PHF20L1: variants seen among roughly 807,000 people sequenced by gnomAD.
The protein encoded by PHF20L1 is PHD finger protein 20-like protein 1.
A neutral mutation model predicts 125.5 loss-of-function variants in PHF20L1; 44 were observed. The observed-to-expected ratio is 0.35, with a 90% CI of 0.28 to 0.45. The LOEUF (loss-of-function observed/expected upper bound fraction) is 0.45. Among genes scored for constraint, PHF20L1 ranks in the 20% least tolerant of loss-of-function variants. PHF20L1 has a pLI of 1.00. For missense variants in PHF20L1, 1,012 were observed against 1,217.2 expected (o/e 0.83, Z 2.51); for synonymous variants, 380 against 403.1 (o/e 0.94, Z 0.69).
At chr8:132,797,260 A>G (rs1832508039) in intron 4 of PHF20L1, among the ~76,000 whole-genome samples, 1 of 152,110 alleles carries the variant, frequency 6.6e-6, no homozygotes, top group African/African-American at 2.4e-5. Context: ...AGGGCAAAAG[A>G]AGCCATCCGT....
At position 132,825,685 on chromosome 8, in the gene PHF20L1, T is replaced by C. The variant is rs181579082; in HGVS notation, c.1744+314T>C. On this transcript the variant is annotated intron_variant, in intron 14 of 20. Transcript: ENST00000395386. ...TCAAGTAATTATTCTCAGTCTAGAA[T>C]TGTAGAGTTCCTTAAGTTAGCTTTC... Among the ~76,000 whole-genome samples the C allele has an allele frequency of 1.2e-3, 178 of 152,186 alleles. 1 individual carries two copies. Among genetic ancestry groups the C allele is most frequent in the African/African-American group, 4.2e-3 (173 of 41,562 alleles).
intron 2 of PHF20L1, among the ~76,000 whole-genome samples, chr8:132,792,984 G>A (rs1213996787): frequency 1.6e-5 from 1 of 63,028 alleles, no homozygotes; most frequent in African/African-American, 6.1e-5. Context: ...TTTTTTTTTA[G>A]TGCCACACAT....
chr8:132,804,104 C>T (rs956822962), intron 7 of PHF20L1, 72 bp downstream of exon 7: 1 of 1,009,154 alleles, frequency 9.9e-7, no homozygotes, highest in African/African-American at 1.6e-5. Flanking sequence ...AATCCCTTGG[C>T]TTCCTTTGAT....
intron 12 of PHF20L1, among the ~76,000 whole-genome samples, chr8:132,820,846 G>A (rs904434709): frequency 6.6e-6 from 1 of 151,976 alleles, no homozygotes; most frequent in Non-Finnish European, 1.5e-5. Context: ...TGTAACCACT[G>A]TGAAGACAAA....
Position 132,777,820 on chromosome 8 carries a change from G to A in PHF20L1, c.-9G>A, listed in dbSNP as rs1288837975. ...GTGAAAAGAGAATACTGAAGAATAGGATCTCAAGATGAGTAAAAAGCCCCC... is the reference window on the plus strand; with the variant it reads ...GTGAAAAGAGAATACTGAAGAATAGAATCTCAAGATGAGTAAAAAGCCCCC... On this transcript the variant is annotated 5_prime_UTR_variant, in exon 2 of 21. Coordinates refer to ENST00000395386, the MANE Select transcript of PHF20L1 (RefSeq NM_016018.5). 1 of 1,594,030 alleles carries A rather than the reference G, an allele frequency of 6.3e-7. No homozygotes were observed. Among genetic ancestry groups the A allele is most frequent in the Non-Finnish European group, 8.6e-7 (1 of 1,162,148 alleles).
At chr8:132,816,678 G>C (rs1263301427) in intron 10 of PHF20L1, 2 of 490,336 alleles carry the variant, frequency 4.1e-6, no homozygotes, top group Non-Finnish European at 7.2e-6. Flanking sequence ...TTCTAGTAGA[G>C]TGTAGATTTT....
chr8:132,824,763 TC>T (rs1835974206), intron 13 of PHF20L1: 1 of 172,674 alleles, frequency 5.8e-6, no homozygotes, highest in Non-Finnish European at 1.3e-5. Context: ...TTCTTAGCCT[TC>T]ATTGTTAAAC....
intron 9 of PHF20L1, chr8:132,812,092 TATGTC>T: frequency 1.0e-6 from 1 of 976,374 alleles, no homozygotes; most frequent in Non-Finnish European, 1.2e-6. Context: ...AATTGATTAA[TATGTC>T]ATTGAATCAT....
intron 12 of PHF20L1, among the ~76,000 whole-genome samples, chr8:132,821,057 C>T (rs1835537042): frequency 6.6e-6 from 1 of 151,854 alleles, no homozygotes; most frequent in Non-Finnish European, 1.5e-5. Flanking sequence ...CTTGACGTGG[C>T]CATGCAGAGT....
Position 132,845,905 on chromosome 8 carries a change from A to T in PHF20L1, c.3036A>T (p.Ala1012=). Residue 1012 remains alanine (A), a synonymous_variant, in exon 21 of 21, where the codon GCA becomes GCT. Transcript: ENST00000395386. ...ACATGGGCAAAGTACAGCAGATAGCAACTCTTTGCTCTGTATGACAACAGT... is the reference window on the plus strand; with the variant it reads ...ACATGGGCAAAGTACAGCAGATAGCTACTCTTTGCTCTGTATGACAACAGT... ...LIDMGKVQQI[A]TLCSV 1 of 1,612,114 alleles carries T rather than the reference A, an allele frequency of 6.2e-7. No homozygotes were observed. The highest frequency in any genetic ancestry group is 1.1e-5 in the South Asian group (1 of 90,982).
In PHF20L1 at chr8:132,804,517, T is replaced by G. The variant is rs1022103844; in HGVS notation, c.722-98T>G. The G allele has an allele frequency of 8.0e-6, 7 of 873,762 alleles. No individual in the cohort carries two copies. In the African/African-American group the frequency reaches 1.2e-4, roughly 15 times the overall value. 54.1% of individuals were successfully genotyped at this position (873,762 alleles called of 1,614,324 possible). A position where few individuals can be genotyped will look rare whatever the true frequency, so the allele number is the denominator to read the frequency against. On this transcript the variant is annotated intron_variant, in intron 7 of 20. Transcript: ENST00000395386. The stretch of plus-strand genomic sequence containing the variant: ...GTATCAAGTAGTAGATTAAAAAAAC[T>G]AATGTGCAAAGCATTTTTACTATTT...
Position 132,790,790 on chromosome 8 carries a change from A to C in PHF20L1, c.84-3620A>C, listed in dbSNP as rs184454578. On this transcript the variant is annotated intron_variant, in intron 2 of 20. Coordinates refer to ENST00000395386, the MANE Select transcript of PHF20L1 (RefSeq NM_016018.5). ...TCTGTGTATACACTTTGTGCTGATT[A>C]GGTCTATATTCTATATGTCCCCTAG... is the stretch of plus-strand genomic sequence containing the variant. 3.3e-5 allele frequency among the ~76,000 whole-genome samples: 5 copies of C among 152,350 alleles called. No homozygotes were observed. The East Asian group carries it at 9.6e-4, about 29-fold the overall frequency.
chr8:132,776,248 C>T (rs1181428064), intron 1 of PHF20L1, among the ~76,000 whole-genome samples: 1 of 152,068 alleles, frequency 6.6e-6, no homozygotes, highest in Non-Finnish European at 1.5e-5. Context: ...GTACTTCATC[C>T]CTAAGTGTCA....
chr8:132,820,457 G>C (rs1835455079), intron 12 of PHF20L1, among the ~76,000 whole-genome samples: 1 of 151,854 alleles, frequency 6.6e-6, no homozygotes, highest in Non-Finnish European at 1.5e-5. Context: ...TTAGAGTCTA[G>C]AAGGGACACA....
chr8:132,790,775 C>T (rs1831597410), intron 2 of PHF20L1, among the ~76,000 whole-genome samples: 1 of 152,186 alleles, frequency 6.6e-6, no homozygotes, highest in African/African-American at 2.4e-5. Context: ...TCTGTGTATA[C>T]ACTTTGTGCT....
rs953762596 is a variant in PHF20L1, at chr8:132,847,825, A to C, written c.*1902A>C. On this transcript the variant is annotated 3_prime_UTR_variant, in exon 21 of 21. Coordinates refer to ENST00000395386, the MANE Select transcript of PHF20L1 (RefSeq NM_016018.5). Reference sequence around the variant, plus strand: ...GTGGTATTGTGGGGTAATTGCTTAAATTTACATATCAAAGTAAAAAAGTAG... The same window carrying C: ...GTGGTATTGTGGGGTAATTGCTTAACTTTACATATCAAAGTAAAAAAGTAG... The C allele has an allele frequency of 6.6e-6, 1 of 152,528 alleles. No homozygotes were observed. Among genetic ancestry groups the C allele is most frequent in the African/African-American group, 2.4e-5 (1 of 41,458 alleles). 9.4% of individuals were successfully genotyped at this position (152,528 alleles called of 1,614,324 possible). A position where few individuals can be genotyped will look rare whatever the true frequency, so the allele number is the denominator to read the frequency against.
chr8:132,782,405 A>G (rs765463503), intron 2 of PHF20L1, among the ~76,000 whole-genome samples: 3 of 152,208 alleles, frequency 2.0e-5, no homozygotes, highest in Non-Finnish European at 4.4e-5. Flanking sequence ...ACAGATGGGT[A>G]CATAATCATA....
intron 2 of PHF20L1, among the ~76,000 whole-genome samples, chr8:132,792,964 C>CT (rs370724463): frequency 0.28 from 36,498 of 129,560 alleles, 5,714 homozygotes; most frequent in South Asian, 0.46. Context: ...CCCCTTTTTT[C>CT]TTTTTTTTTT....
rs182714117 is a variant in PHF20L1, at chr8:132,788,315, C to T, written c.84-6095C>T. On this transcript the variant is annotated intron_variant, in intron 2 of 20. Coordinates refer to ENST00000395386, the MANE Select transcript of PHF20L1 (RefSeq NM_016018.5). ...GAATTAGACATCCTATTGGCTTATC[C>T]ATATAAACAAGAAAGTGATTATTTA... Among the ~76,000 whole-genome samples the T allele has an allele frequency of 8.5e-5, 13 of 152,122 alleles. No homozygotes were observed. The East Asian group carries it at 1.7e-3, about 20-fold the overall frequency.
Sources: gnomAD v4.1 joint callset for allele counts (sites outside exome capture counted in the v4.1 genomes callset) on GRCh38, gnomAD v4.1.1 for gene constraint, MANE v1.5 for transcripts, NCBI Gene and HGNC (gene_info 2026-07-23, HGNC 2026-07-21) for gene names.